GABRB1: variants seen among roughly 807,000 people sequenced by gnomAD.
The protein encoded by GABRB1 is gamma-aminobutyric acid receptor subunit beta-1.
GABRB1 carries 17 observed loss-of-function variants against 51.6 expected under a neutral mutation model. That is an observed-to-expected ratio of 0.33 (90% CI 0.23 to 0.49). The LOEUF (loss-of-function observed/expected upper bound fraction) is 0.49, where lower values mean the gene tolerates loss of function less well. GABRB1 is among the 20% of genes least tolerant of loss of function. The pLI, the probability that GABRB1 is intolerant of heterozygous loss-of-function variation, is 0.99. For synonymous variants in GABRB1, 247 were observed against 218.9 expected, an observed-to-expected ratio of 1.13 and a Z score of -1.14; for missense variants, 410 against 600.6, an observed-to-expected ratio of 0.68 and a Z score of 3.32.
chr4:47,002,503 A>C (rs183603575), intron 1 of GABRB1, among the ~76,000 whole-genome samples: 1 of 152,218 alleles, frequency 6.6e-6, no homozygotes, highest in Non-Finnish European at 1.5e-5. Context: ...CATTCTAGAC[A>C]CAAATATTTT....
chr4:47,390,654 T>A (rs1322622009), intron 5 of GABRB1, among the ~76,000 whole-genome samples: 2 of 152,202 alleles, frequency 1.3e-5, no homozygotes, highest in Admixed American at 1.3e-4. Context: ...GGAAACAACA[T>A]CCTTGGTATC....
chr4:47,048,670 C>T (rs1726206321), intron 3 of GABRB1, among the ~76,000 whole-genome samples: 1 of 152,068 alleles, frequency 6.6e-6, no homozygotes, highest in African/African-American at 2.4e-5. Context: ...TCAGTTTTTA[C>T]AAGAGTCACC....
intron 3 of GABRB1, among the ~76,000 whole-genome samples, chr4:47,075,508 A>G (rs1413640141): frequency 6.6e-6 from 1 of 152,172 alleles, no homozygotes; most frequent in Non-Finnish European, 1.5e-5. Context: ...TGACTTTCCA[A>G]AAATAATACA....
intron 5 of GABRB1, among the ~76,000 whole-genome samples, chr4:47,391,750 C>T (rs917892139): frequency 5.3e-5 from 8 of 152,112 alleles, no homozygotes; most frequent in African/African-American, 1.9e-4. Flanking sequence ...AGTTTGGGAC[C>T]ATAAACTCAA....
At chr4:47,162,174 C>T (rs551955803) in intron 4 of GABRB1, among the ~76,000 whole-genome samples, 2 of 152,140 alleles carry the variant, frequency 1.3e-5, no homozygotes, top group Middle Eastern at 3.4e-3. Flanking sequence ...CTAACAGTTC[C>T]CTTGAGTCTA....
chr4:47,058,783 T>A (rs1216998369), intron 3 of GABRB1, among the ~76,000 whole-genome samples: 1 of 152,228 alleles, frequency 6.6e-6, no homozygotes, highest in Non-Finnish European at 1.5e-5. Context: ...CCTTTTATTT[T>A]TATGAAGAGT....
chr4:47,052,753 T>C (rs894465081), intron 3 of GABRB1, among the ~76,000 whole-genome samples: 2 of 152,182 alleles, frequency 1.3e-5, no homozygotes, highest in African/African-American at 2.4e-5. Flanking sequence ...TCCCCGACTG[T>C]AGCATTATGC....
At chr4:46,998,834 T>G (rs1724089273) in intron 1 of GABRB1, among the ~76,000 whole-genome samples, 1 of 150,770 alleles carries the variant, frequency 6.6e-6, no homozygotes, top group Non-Finnish European at 1.5e-5. Context: ...TGAAAATGCC[T>G]AATAATGTGT....
At chr4:47,053,787 G>A (rs1726464172) in intron 3 of GABRB1, among the ~76,000 whole-genome samples, 1 of 152,156 alleles carries the variant, frequency 6.6e-6, no homozygotes, top group Admixed American at 6.5e-5. Context: ...TTCTGAAAGG[G>A]GTGTGAGATC....
chr4:47,414,175 C>T (rs1723238092), intron 8 of GABRB1, among the ~76,000 whole-genome samples: 1 of 152,176 alleles, frequency 6.6e-6, no homozygotes, highest in Admixed American at 6.5e-5. Flanking sequence ...TCTGTGAACT[C>T]TGAGAATCTG....
intron 3 of GABRB1, among the ~76,000 whole-genome samples, chr4:47,117,929 T>C (rs1398034275): frequency 1.3e-5 from 2 of 152,228 alleles, no homozygotes; most frequent in Admixed American, 6.5e-5. Flanking sequence ...ATTTGTTACA[T>C]AGGCTTTCTA....
chr4:47,263,827 G>A (rs1356024932), intron 4 of GABRB1, among the ~76,000 whole-genome samples: 3 of 152,114 alleles, frequency 2.0e-5, no homozygotes, highest in Non-Finnish European at 4.4e-5. Context: ...ACATTCCTTA[G>A]AACTGAAGAT....
chr4:47,097,110 T>A (rs533821116), intron 3 of GABRB1, among the ~76,000 whole-genome samples: 72 of 152,332 alleles, frequency 4.7e-4, no homozygotes, highest in African/African-American at 1.7e-3. Flanking sequence ...ATGCTGTCTC[T>A]CTTCTACTCA....
At chr4:47,297,965 T>A (rs1724076446) in intron 4 of GABRB1, among the ~76,000 whole-genome samples, 1 of 152,178 alleles carries the variant, frequency 6.6e-6, no homozygotes. Flanking sequence ...TAATGCAGCA[T>A]ATAAACAGAA....
chr4:47,104,255 T>A (rs1447921683), intron 3 of GABRB1, among the ~76,000 whole-genome samples: 1 of 151,860 alleles, frequency 6.6e-6, no homozygotes, highest in Non-Finnish European at 1.5e-5. Flanking sequence ...TAATAAAAAG[T>A]ATAATATAGT....
intron 1 of GABRB1, among the ~76,000 whole-genome samples, chr4:47,023,824 A>G (rs1216265253): frequency 1.3e-5 from 2 of 151,988 alleles, no homozygotes; most frequent in Admixed American, 1.3e-4. Flanking sequence ...AAAACAGAAA[A>G]ATGAAAAAAA....
intron 4 of GABRB1, among the ~76,000 whole-genome samples, chr4:47,251,009 G>A (rs180886968): frequency 3.3e-5 from 5 of 152,230 alleles, no homozygotes; most frequent in African/African-American, 9.6e-5. Context: ...TCTTGGGGGG[G>A]TGTTAAAGAG....
chr4:47,129,455 T>C (rs548455583), intron 3 of GABRB1, among the ~76,000 whole-genome samples: 99 of 152,332 alleles, frequency 6.5e-4, no homozygotes, highest in Middle Eastern at 3.4e-3. Flanking sequence ...TTTTAATGTA[T>C]TCATCATTGG....
At chr4:47,350,245 G>GAGAGA (rs1327010649) in intron 5 of GABRB1, among the ~76,000 whole-genome samples, 2 of 64,580 alleles carry the variant, frequency 3.1e-5, no homozygotes, top group African/African-American at 1.3e-4. Flanking sequence ...AGAGAGAGAG[G>GAGAGA]TTTTAAGGCA....
Sources: gnomAD v4.1 joint callset for allele counts (sites outside exome capture counted in the v4.1 genomes callset) on GRCh38, gnomAD v4.1.1 for gene constraint, MANE v1.5 for transcripts, NCBI Gene and HGNC (gene_info 2026-07-23, HGNC 2026-07-21) for gene names.